Variants in SKP1 observed in about 807,000 individuals in gnomAD.
The protein encoded by SKP1 is S-phase kinase-associated protein 1.
Under a neutral mutation model 21.5 loss-of-function variants are expected in SKP1, and 1 was observed. The observed-to-expected ratio is 0.05, with a 90% CI of 0.02 to 0.22. The LOEUF (loss-of-function observed/expected upper bound fraction) is 0.22, where lower values mean the gene tolerates loss of function less well. Ranked by LOEUF, SKP1 falls within the 10% of genes least tolerant of loss-of-function variation. The pLI, the probability that SKP1 is intolerant of heterozygous loss-of-function variation, is 1.00. For synonymous variants in SKP1, 59 were observed against 59.3 expected, an observed-to-expected ratio of 0.99 and a Z score of 0.03; for missense variants, 70 against 192.0, an observed-to-expected ratio of 0.36 and a Z score of 3.76.
intron 3 of SKP1, among the ~76,000 whole-genome samples, chr5:134,166,939 T>C (rs994031988): frequency 1.3e-5 from 2 of 152,214 alleles, no homozygotes; most frequent in Admixed American, 6.5e-5. Flanking sequence ...ACAGTACAGA[T>C]GCCCAATAAA....
Position 134,153,975 on chromosome 5 carries a change from T to C in SKP1, c.*3758A>G, listed in dbSNP as rs1319024271. The C allele has an allele frequency of 6.6e-6, 1 of 152,306 alleles. No individual in the cohort carries two copies. The highest frequency in any genetic ancestry group is 2.4e-5 in the African/African-American group (1 of 41,572). 9.4% of individuals were successfully genotyped at this position (152,306 alleles called of 1,614,324 possible). On this transcript the variant is annotated 3_prime_UTR_variant, in exon 6 of 6. Coordinates refer to ENST00000353411, the MANE Select transcript of SKP1 (RefSeq NM_170679.3). Reference sequence around the variant, plus strand: ...TGCTTAATTCCAGGAGCTGGTGTATTCTGACAGTTGTAGAGTAAAAAGTCA... The same window carrying C: ...TGCTTAATTCCAGGAGCTGGTGTATCCTGACAGTTGTAGAGTAAAAAGTCA...
intron 5 of SKP1, 180 bp downstream of exon 5, chr5:134,158,275 C>A: frequency 6.7e-7 from 1 of 1,486,596 alleles, no homozygotes; most frequent in South Asian, 1.4e-5. Context: ...AATGCAGTAT[C>A]ATCTAAGTGT....
chr5:134,172,693 G>T (rs1761465630), intron 2 of SKP1, among the ~76,000 whole-genome samples: 1 of 151,938 alleles, frequency 6.6e-6, no homozygotes, highest in Non-Finnish European at 1.5e-5. Context: ...GAACAACCAG[G>T]GTAACATAGG....
chr5:134,168,352 C>T (rs1482723173), intron 2 of SKP1, among the ~76,000 whole-genome samples: 1 of 152,064 alleles, frequency 6.6e-6, no homozygotes, highest in Non-Finnish European at 1.5e-5. Context: ...CATATACACA[C>T]TAAAAATACT....
intron 2 of SKP1, chr5:134,173,585 G>A (rs776676580): frequency 7.4e-5 from 29 of 391,278 alleles, no homozygotes; most frequent in Non-Finnish European, 1.0e-4. Context: ...ATTATAGGAC[G>A]GTATCTCTTT....
Position 134,155,474 on chromosome 5 carries a change from CTATT to C in SKP1, c.*2255_*2258del, listed in dbSNP as rs1761106575. 1 of 152,152 alleles carries C rather than the reference CTATT, an allele frequency of 6.6e-6. No individual in the cohort carries two copies. The highest frequency in any genetic ancestry group is 1.5e-5 in the Non-Finnish European group (1 of 68,030). The allele number at this position is 152,152 out of a possible 1,614,324, so 9.4% of individuals were successfully genotyped here. On this transcript the variant is annotated 3_prime_UTR_variant, in exon 6 of 6. Coordinates refer to ENST00000353411, the MANE Select transcript of SKP1 (RefSeq NM_170679.3). ...AAATGGCTTATTTTCTCTTGGATCT[CTATT>C]AATGTAAAAGTTTAAGATTACTAGG... is the stretch of plus-strand genomic sequence containing the variant.
chr5:134,174,164 T>C (rs1052841636), intron 1 of SKP1, 142 bp from the exon 2 acceptor site: 16 of 620,536 alleles, frequency 2.6e-5, no homozygotes, highest in African/African-American at 9.3e-5. Flanking sequence ...TAAAGCACTG[T>C]TGTAAGCAGT....
chr5:134,169,498 T>C (rs1030188692), intron 2 of SKP1, among the ~76,000 whole-genome samples: 3 of 152,188 alleles, frequency 2.0e-5, no homozygotes, highest in Non-Finnish European at 4.4e-5. Flanking sequence ...ACTAAGATAT[T>C]AGAGGAAACA....
chr5:134,176,906 G>C lies in SKP1; in HGVS notation c.-52C>G, dbSNP rs1234542542. ...GCGGGAGGCTGACGAGAGCCGGGAGGCGTTAGCGAAGGAAGAGAAAAACCG... is the reference window on the plus strand; with the variant it reads ...GCGGGAGGCTGACGAGAGCCGGGAGCCGTTAGCGAAGGAAGAGAAAAACCG... On this transcript the variant is annotated 5_prime_UTR_variant, in exon 1 of 6. Transcript: ENST00000353411. 6.5e-6 allele frequency: 1 copy of C among 153,036 alleles called. No individual in the cohort carries two copies. Among genetic ancestry groups the C allele is most frequent in the Non-Finnish European group, 1.5e-5 (1 of 68,258 alleles). The allele number at this position is 153,036 out of a possible 1,614,324, so 9.5% of individuals were successfully genotyped here. A position where few individuals can be genotyped will look rare whatever the true frequency, so the allele number is the denominator to read the frequency against.
At chr5:134,164,378 T>C (rs537846427) in intron 3 of SKP1, among the ~76,000 whole-genome samples, 22 of 151,236 alleles carry the variant, frequency 1.5e-4, no homozygotes, top group Admixed American at 1.3e-3. Context: ...AGACATCTCC[T>C]GACCATCTTT....
At chr5:134,172,649 G>A (rs1475452651) in intron 2 of SKP1, among the ~76,000 whole-genome samples, 1 of 151,904 alleles carries the variant, frequency 6.6e-6, no homozygotes, top group Non-Finnish European at 1.5e-5. Context: ...TTGGGGTGCC[G>A]AGGTGGGAGG....
Position 134,156,162 on chromosome 5 carries a change from A to G in SKP1, c.*1571T>C, listed in dbSNP as rs1452786573. ...ATCTTATAATAGCAGGAATTGGTAG[A>G]TGAGACAATTCAGCTAGGACTATAC... On this transcript the variant is annotated 3_prime_UTR_variant, in exon 6 of 6. Coordinates refer to ENST00000353411, the MANE Select transcript of SKP1 (RefSeq NM_170679.3). 6.6e-6 allele frequency: 1 copy of G among 152,088 alleles called. No homozygotes were observed. Among genetic ancestry groups the G allele is most frequent in the Non-Finnish European group, 1.5e-5 (1 of 68,026 alleles). 9.4% of individuals were successfully genotyped at this position (152,088 alleles called of 1,614,324 possible). A position where few individuals can be genotyped will look rare whatever the true frequency, so the allele number is the denominator to read the frequency against.
chr5:134,158,141 G>A (rs1443968210), intron 5 of SKP1: 8 of 1,373,686 alleles, frequency 5.8e-6, no homozygotes, highest in Non-Finnish European at 7.5e-6. Flanking sequence ...CTTCTCTCTA[G>A]GGCCTGCTTT....
chr5:134,164,112 G>C (rs1249750801), intron 3 of SKP1, among the ~76,000 whole-genome samples: 1 of 151,964 alleles, frequency 6.6e-6, no homozygotes, highest in Admixed American at 6.6e-5. Context: ...CCTGAGGTCC[G>C]GAGTTCGAGA....
chr5:134,167,227 A>G lies in SKP1; in HGVS notation c.114T>C (p.Asp38=), dbSNP rs1316527309. 2 of 1,603,190 alleles carry G rather than the reference A, an allele frequency of 1.2e-6. No homozygotes were observed. The highest frequency in any genetic ancestry group is 1.7e-6 in the Non-Finnish European group (2 of 1,170,382). ...KTMLEDLGMD[D]EGDDDPVPLP... Reference sequence around the variant, plus strand: ...GAGGAACTGGGTCATCATCTCCTTCATCATCCATTCCCAAATCTAAGAAAA... The same window carrying G: ...GAGGAACTGGGTCATCATCTCCTTCGTCATCCATTCCCAAATCTAAGAAAA... The change falls in exon 3 of 6, where the codon GAT becomes GAC. Residue 38 remains aspartate (D), a synonymous_variant. Transcript: ENST00000353411.
intron 4 of SKP1, among the ~76,000 whole-genome samples, chr5:134,160,664 A>G (rs1561718829): frequency 6.6e-6 from 1 of 152,234 alleles, no homozygotes; most frequent in Non-Finnish European, 1.5e-5. Flanking sequence ...CTATTTTAAT[A>G]TAGTCACTCC....
chr5:134,155,234 G>A lies in SKP1; in HGVS notation c.*2499C>T, dbSNP rs373715350. ...AGTAAGAGAGTAGCCAGAAATGAGT[G>A]GAGTTTTGAAGACTGAGGTTTGGCT... On this transcript the variant is annotated 3_prime_UTR_variant, in exon 6 of 6. Transcript: ENST00000353411. 3.9e-5 allele frequency: 6 copies of A among 152,328 alleles called. No homozygotes were observed. The East Asian group carries it at 7.7e-4, about 20-fold the overall frequency. The allele number at this position is 152,328 out of a possible 1,614,324, so 9.4% of individuals were successfully genotyped here.
chr5:134,157,918 C>A, intron 5 of SKP1, 150 bp from the exon 6 acceptor site: 3 of 1,555,330 alleles, frequency 1.9e-6, no homozygotes, highest in South Asian at 2.3e-5. Context: ...ACTATATTTC[C>A]GGATTTCCTT....
In SKP1 at chr5:134,157,679, T is replaced by A. The variant is rs1044830381; in HGVS notation, c.*54A>T. ...ATATTAACAATTATAAACAGAGCAGTGCAACTAGTATTTGGAACAATCCTT... is the reference window on the plus strand; with the variant it reads ...ATATTAACAATTATAAACAGAGCAGAGCAACTAGTATTTGGAACAATCCTT... On this transcript the variant is annotated 3_prime_UTR_variant, in exon 6 of 6. Coordinates refer to ENST00000353411, the MANE Select transcript of SKP1 (RefSeq NM_170679.3). The A allele has an allele frequency of 3.7e-6, 5 of 1,363,572 alleles. No homozygotes were observed. The Admixed American group carries it at 6.7e-5, about 18-fold the overall frequency. 84.5% of individuals were successfully genotyped at this position (1,363,572 alleles called of 1,614,324 possible).
Sources: allele counts gnomAD v4.1 joint callset (sites outside exome capture counted in the v4.1 genomes callset), GRCh38; gene constraint gnomAD v4.1.1; transcripts MANE v1.5; gene names NCBI Gene and HGNC (gene_info 2026-07-23, HGNC 2026-07-21).